Variants in GTPBP1 observed in about 807,000 individuals in gnomAD.
GTPBP1 encodes the protein GTP-binding protein 1.
GTPBP1 carries 23 observed loss-of-function variants against 62.0 expected under a neutral mutation model. The ratio of observed to expected loss-of-function variants is 0.37; its 90% CI spans 0.27 to 0.53. GTPBP1 has a LOEUF of 0.53. Ranked by LOEUF, GTPBP1 falls within the 20% of genes least tolerant of loss-of-function variation. The probability of loss-of-function intolerance (pLI) is 0.89; values close to 1 mark genes in which losing one functional copy is unlikely to be tolerated. For synonymous variants in GTPBP1, 344 were observed against 364.4 expected (o/e 0.94, Z 0.64); for missense variants, 640 against 917.3 (o/e 0.70, Z 3.90).
intron 5 of GTPBP1, chr22:38,723,362 G>C (rs2092710882): frequency 1.2e-6 from 1 of 850,326 alleles, no homozygotes; most frequent in Admixed American, 1.9e-5. Flanking sequence ...TGCTTGACTG[G>C]AACCAGACCA....
At chr22:38,708,249 A>G (rs530777861) in intron 1 of GTPBP1, among the ~76,000 whole-genome samples, 10 of 152,364 alleles carry the variant, frequency 6.6e-5, no homozygotes, top group African/African-American at 1.7e-4. Context: ...TGACACTTCA[A>G]TGTTATTGGC....
intron 5 of GTPBP1, 81 bp downstream of exon 5, chr22:38,721,946 G>A: frequency 1.0e-6 from 1 of 986,160 alleles, no homozygotes; most frequent in Non-Finnish European, 1.4e-6. Context: ...TGCTACCACG[G>A]CTTTAGCCCA....
intron 5 of GTPBP1, chr22:38,723,002 T>G (rs2092708814): frequency 8.5e-6 from 7 of 826,966 alleles, no homozygotes; most frequent in Non-Finnish European, 1.1e-5. Context: ...CACCGTAGTC[T>G]CAGGAAGTTT....
chr22:38,724,915 G>A (rs2092719429), intron 6 of GTPBP1, among the ~76,000 whole-genome samples: 1 of 152,178 alleles, frequency 6.6e-6, no homozygotes, highest in Admixed American at 6.5e-5. Context: ...TTTATTGGAT[G>A]TTTGTTCTGC....
chr22:38,712,802 T>A lies in GTPBP1; in HGVS notation c.305-3105T>A, dbSNP rs147506516. On this transcript the variant is annotated intron_variant, in intron 2 of 11. Coordinates refer to ENST00000216044, the MANE Select transcript of GTPBP1 (RefSeq NM_004286.5). ...GTTGAATAGAATTTAGCCAGCCTTC[T>A]TAGGAACACTCCCAGCAAACCCTTC... Among the ~76,000 whole-genome samples, 15 of 152,306 alleles carry A rather than the reference T, an allele frequency of 9.8e-5. No individual in the cohort carries two copies. In the East Asian group the frequency reaches 2.7e-3, roughly 27 times the overall value.
chr22:38,736,173 T>C (rs761834197), downstream of GTPBP1: 6 of 1,218,312 alleles, frequency 4.9e-6, no homozygotes, highest in East Asian at 1.2e-4. Flanking sequence ...CTTGTGCTCC[T>C]AGAAGTCAGA....
chr22:38,737,011 A>G (rs758101109), downstream of GTPBP1, among the ~76,000 whole-genome samples: 27 of 152,022 alleles, frequency 1.8e-4, no homozygotes, highest in Non-Finnish European at 2.1e-4. The surrounding 1 kb of genome is among the most constrained non-coding windows in gnomAD (Gnocchi z 4.1). Flanking sequence ...ACCCGGCTAA[A>G]TTTTTTAACA....
chr22:38,735,453 T>A, downstream of GTPBP1: 1 of 308,218 alleles, frequency 3.2e-6, no homozygotes, highest in Middle Eastern at 1.2e-3. Flanking sequence ...TAGGTCTCCA[T>A]ACCCTGGGAG....
At chr22:38,709,920 C>G (rs139537025) in intron 2 of GTPBP1, among the ~76,000 whole-genome samples, 2 of 152,370 alleles carry the variant, frequency 1.3e-5, no homozygotes, top group African/African-American at 4.8e-5. Context: ...AGGCAGCCCT[C>G]ACAACAATCC....
chr22:38,742,928 A>G (rs1247855739), downstream of GTPBP1: 1 of 182,084 alleles, frequency 5.5e-6, no homozygotes, highest in African/African-American at 2.4e-5. Context: ...CCTGAAGCTC[A>G]CTCCTTCCCC....
chr22:38,735,501 A>G, downstream of GTPBP1: 1 of 290,600 alleles, frequency 3.4e-6, no homozygotes, highest in East Asian at 1.1e-4. Context: ...GGCAGGCCCT[A>G]GCAGGAACAG....
intron 10 of GTPBP1, 67 bp from the exon 11 acceptor site, chr22:38,729,395 G>T (rs1217204064): frequency 2.5e-6 from 3 of 1,195,580 alleles, no homozygotes; most frequent in Non-Finnish European, 3.5e-6. Flanking sequence ...GCTGAGGGTG[G>T]GGGGTAGCCA....
At position 38,716,630 on chromosome 22, in the gene GTPBP1, G is replaced by A; in HGVS notation, c.486-22G>A. The A allele has an allele frequency of 1.9e-6, 3 of 1,557,070 alleles. No individual in the cohort carries two copies. Among genetic ancestry groups the A allele is most frequent in the East Asian group, 2.3e-5 (1 of 44,078 alleles). ...CTCATTCACTAACTCTCACATAGAT[G>A]TATGGGTTCATCTACACGCAGGGTA... On this transcript the variant is annotated intron_variant, in intron 3 of 11. Coordinates refer to ENST00000216044, the MANE Select transcript of GTPBP1 (RefSeq NM_004286.5). This position sits in a 1 kb window ranked among gnomAD's most constrained non-coding sequence, Gnocchi z 5.2.
chr22:38,706,337 T>A (rs1025458431), intron 1 of GTPBP1, among the ~76,000 whole-genome samples, 190 bp downstream of exon 1: 3 of 152,094 alleles, frequency 2.0e-5, no homozygotes, highest in Non-Finnish European at 2.9e-5. Context: ...GTCCCCATGG[T>A]CCCCGCACCC....
downstream of GTPBP1, chr22:38,739,545 G>A: frequency 7.4e-7 from 1 of 1,353,764 alleles, no homozygotes; most frequent in Non-Finnish European, 1.0e-6. This position sits in a 1 kb window ranked among gnomAD's most constrained non-coding sequence, Gnocchi z 6.7. Flanking sequence ...CTGTGCTGGT[G>A]CCCAGGCAGA....
chr22:38,727,995 G>A lies in GTPBP1; in HGVS notation c.1550G>A (p.Ser517Asn), dbSNP rs2092735921. 1 of 1,613,842 alleles carries A rather than the reference G, an allele frequency of 6.2e-7. No homozygotes were observed. The highest frequency in any genetic ancestry group is 1.6e-4 in the Middle Eastern group (1 of 6,062). ...PRYQAMVHCG[S>N]IRQTATILSM... Reference sequence around the variant, plus strand: ...GCTTCCTTGACAGTGCACTGTGGGAGCATCAGGCAGACAGCCACCATTCTG... The same window carrying A: ...GCTTCCTTGACAGTGCACTGTGGGAACATCAGGCAGACAGCCACCATTCTG... Residue 517 changes from serine (S) to asparagine (N), a missense_variant, in exon 10 of 12, where the codon AGC (serine) becomes AAC (asparagine). Physicochemically the swap from Ser to Asn is conservative, Grantham distance 46. Around this residue, in one of 4 missense-constraint regions of GTPBP1, gnomAD observed 220 missense variants for 358.1 expected, o/e 0.61. Transcript: ENST00000216044. The surrounding 1 kb of genome is among the most constrained non-coding windows in gnomAD (Gnocchi z 6.5).
chr22:38,742,105 TGCACTCCAG>T (rs939862132), downstream of GTPBP1, among the ~76,000 whole-genome samples: 2 of 150,606 alleles, frequency 1.3e-5, no homozygotes, highest in Non-Finnish European at 2.9e-5. Flanking sequence ...ATCACGCCAC[TGCACTCCAG>T]GCTGGGTGAC....
At chr22:38,740,565 A>G (rs1388452231), downstream of GTPBP1, 2 of 978,270 alleles carry the variant, frequency 2.0e-6, no homozygotes, top group East Asian at 5.8e-5. The surrounding 1 kb of genome is among the most constrained non-coding windows in gnomAD (Gnocchi z 4.8). Context: ...TGAACCTGAG[A>G]AGGGGCAAGG....
At chr22:38,706,575 AG>A in intron 1 of GTPBP1, 1 of 166,186 alleles carries the variant, frequency 6.0e-6, no homozygotes, top group Non-Finnish European at 1.3e-5. Flanking sequence ...CAGAGGGGCG[AG>A]GGGGCCCGGG....
Sources: gnomAD v4.1 joint callset for allele counts (sites outside exome capture counted in the v4.1 genomes callset) on GRCh38, gnomAD v4.1.1 for gene constraint, gnomAD v4.1.1 regional missense constraint, Gnocchi (gnomAD v3.1) non-coding constraint, MANE v1.5 for transcripts, NCBI Gene and HGNC (gene_info 2026-07-23, HGNC 2026-07-21) for gene names.